The following CYP20A1 variants were observed in gnomAD, a reference collection of about 807,000 sequenced individuals.
CYP20A1 encodes the protein cytochrome P450 20A1.
CYP20A1 carries 61 observed loss-of-function variants against 61.4 expected under a neutral mutation model. The ratio of observed to expected loss-of-function variants is 0.99; its 90% confidence interval spans 0.81 to 1.23. The LOEUF (loss-of-function observed/expected upper bound fraction) is 1.23, where lower values mean the gene tolerates loss of function less well. Among genes scored for constraint, CYP20A1 ranks in the 50% most tolerant of loss-of-function variants. CYP20A1 has a pLI of 0.00. For synonymous variants in CYP20A1, 193 were observed against 188.2 expected (o/e 1.03, Z -0.21); for missense variants, 530 against 542.4 (o/e 0.98, Z 0.23).
intron 8 of CYP20A1, among the ~76,000 whole-genome samples, chr2:203,284,865 T>C (rs1358422706): frequency 6.6e-6 from 1 of 150,700 alleles, no homozygotes; most frequent in Non-Finnish European, 1.5e-5. Context: ...CCCATCTCAG[T>C]CTCCCAAGTA....
intron 9 of CYP20A1, among the ~76,000 whole-genome samples, chr2:203,286,267 G>A (rs529421600): frequency 3.3e-5 from 5 of 152,134 alleles, no homozygotes; most frequent in Admixed American, 6.6e-5. Flanking sequence ...GGGTTACAGA[G>A]CAAGACCCTG....
intron 4 of CYP20A1, among the ~76,000 whole-genome samples, chr2:203,255,081 T>C (rs1377347363): frequency 6.6e-6 from 1 of 152,178 alleles, no homozygotes; most frequent in Admixed American, 6.5e-5. Flanking sequence ...TTCTAATTGA[T>C]CTACTTCTCT....
At chr2:203,285,990 A>G (rs924925609) in intron 9 of CYP20A1, among the ~76,000 whole-genome samples, 4 of 152,218 alleles carry the variant, frequency 2.6e-5, no homozygotes, top group Non-Finnish European at 1.5e-5. Context: ...GTCATAAAAA[A>G]TAGACAGCCA....
chr2:203,282,752 A>C (rs1206470634), intron 8 of CYP20A1, among the ~76,000 whole-genome samples: 2 of 152,036 alleles, frequency 1.3e-5, no homozygotes, highest in Non-Finnish European at 2.9e-5. Flanking sequence ...ATAAGTCCTT[A>C]CTCTGCCCCT....
At chr2:203,273,273 A>C (rs757305429) in intron 6 of CYP20A1, among the ~76,000 whole-genome samples, 1 of 152,346 alleles carries the variant, frequency 6.6e-6, no homozygotes, top group East Asian at 1.9e-4. Context: ...AGTGTTGTAG[A>C]GCTGGTATAC....
intron 1 of CYP20A1, among the ~76,000 whole-genome samples, 192 bp downstream of exon 1, chr2:203,239,326 G>C (rs577378781): frequency 5.9e-5 from 9 of 152,052 alleles, no homozygotes; most frequent in African/African-American, 1.4e-4. Context: ...CTCTGAGAGC[G>C]ACGTGGGCTG....
Position 203,304,531 on chromosome 2 carries a change from A to G in CYP20A1, c.*7623A>G, listed in dbSNP as rs1386852792. Reference sequence around the variant, plus strand: ...AATTTTTAAGAGGAAAAAGAATGCTACCAACCTAAACACATTTCTGTGACT... The same window carrying G: ...AATTTTTAAGAGGAAAAAGAATGCTGCCAACCTAAACACATTTCTGTGACT... On this transcript the variant is annotated 3_prime_UTR_variant, in exon 13 of 13. Transcript: ENST00000356079. Among the ~76,000 whole-genome samples the G allele has an allele frequency of 2.0e-5, 3 of 152,182 alleles. No homozygotes were observed. The highest frequency in any genetic ancestry group is 4.4e-5 in the Non-Finnish European group (3 of 68,024).
At chr2:203,285,480 T>C (rs1050404605) in intron 8 of CYP20A1, 132 bp from the exon 9 acceptor site, 24 of 976,348 alleles carry the variant, frequency 2.5e-5, no homozygotes, top group East Asian at 5.7e-5. Flanking sequence ...GTAGCACTTA[T>C]ATATCTTCTA....
chr2:203,276,215 G>T (rs2067814607), intron 6 of CYP20A1, among the ~76,000 whole-genome samples: 1 of 152,336 alleles, frequency 6.6e-6, no homozygotes, highest in East Asian at 1.9e-4. Context: ...TGGCTGGAAT[G>T]AAGTGAGTGA....
At chr2:203,296,424 TA>T in intron 11 of CYP20A1, 49 bp from the exon 12 acceptor site, 1 of 1,146,330 alleles carries the variant, frequency 8.7e-7, no homozygotes, top group Non-Finnish European at 1.3e-6. Flanking sequence ...TGTCAACATG[TA>T]AGATGCCAGT....
chr2:203,289,896 T>C lies in CYP20A1; in HGVS notation c.1083+20T>C. The C allele has an allele frequency of 8.2e-7, 1 of 1,222,106 alleles. No homozygotes were observed. Among genetic ancestry groups the C allele is most frequent in the Non-Finnish European group, 1.2e-6 (1 of 840,724 alleles). The allele number at this position is 1,222,106 out of a possible 1,614,324, so 75.7% of individuals were successfully genotyped here. A position where few individuals can be genotyped will look rare whatever the true frequency, so the allele number is the denominator to read the frequency against. ...AGAGAGGTAGAAAACCTTTAATATGTTTAATTCATTCAGCTATTCTCAACT... is the reference window on the plus strand; with the variant it reads ...AGAGAGGTAGAAAACCTTTAATATGCTTAATTCATTCAGCTATTCTCAACT... On this transcript the variant is annotated intron_variant, in intron 10 of 12. Transcript: ENST00000356079.
At chr2:203,295,054 G>A (rs2068729713) in intron 11 of CYP20A1, among the ~76,000 whole-genome samples, 1 of 137,294 alleles carries the variant, frequency 7.3e-6, no homozygotes, top group Non-Finnish European at 1.5e-5. Context: ...CCGGGTTCAT[G>A]CCATTCTCCT....
At chr2:203,265,246 G>T (rs892304690) in intron 4 of CYP20A1, among the ~76,000 whole-genome samples, 12 of 152,092 alleles carry the variant, frequency 7.9e-5, no homozygotes, top group Non-Finnish European at 1.5e-4. Context: ...ACCTCTAGAT[G>T]CCAGTAGCAC....
At chr2:203,255,330 C>T (rs1255541534) in intron 4 of CYP20A1, among the ~76,000 whole-genome samples, 2 of 152,132 alleles carry the variant, frequency 1.3e-5, no homozygotes, top group African/African-American at 4.8e-5. Flanking sequence ...TTATATTTGC[C>T]TCTTTGTTAA....
rs2068640056 is a variant in CYP20A1 at position 203,293,590 on chromosome 2, A to G, written c.1148+1264A>G. Among the ~76,000 whole-genome samples the G allele has an allele frequency of 2.7e-5, 4 of 149,112 alleles. No homozygotes were observed. In the South Asian group the frequency reaches 6.3e-4, roughly 24 times the overall value. On this transcript the variant is annotated intron_variant, in intron 11 of 12. Coordinates refer to ENST00000356079, the MANE Select transcript of CYP20A1 (RefSeq NM_177538.3). ...TTTTTTAAATTTATTTTTTATTTCA[A>G]TAGGTTTTTGGGGAACAGGTGGTAT... is the stretch of plus-strand genomic sequence containing the variant.
intron 2 of CYP20A1, 96 bp downstream of exon 2, chr2:203,245,991 C>A: frequency 1.2e-6 from 1 of 828,142 alleles, no homozygotes; most frequent in Non-Finnish European, 1.9e-6. Context: ...TAGCTGTTGC[C>A]AGCTACTGAG....
chr2:203,268,196 G>A (rs1005664487), intron 5 of CYP20A1, among the ~76,000 whole-genome samples: 2 of 151,912 alleles, frequency 1.3e-5, no homozygotes, highest in African/African-American at 4.8e-5. Flanking sequence ...TCTAAATATT[G>A]CAGTTGATAT....
intron 3 of CYP20A1, 152 bp from the exon 4 acceptor site, chr2:203,251,815 A>ATGTGTATATATATATATATATATATG (rs1553514006): frequency 3.1e-4 from 28 of 89,520 alleles, no homozygotes; most frequent in Non-Finnish European, 6.4e-4. Context: ...ATATATATAT[A>ATGTGTATATATATATATATATATATG]TAAAAAATAA....
intron 3 of CYP20A1, among the ~76,000 whole-genome samples, chr2:203,247,375 G>A (rs2066498325): frequency 6.6e-6 from 1 of 152,164 alleles, no homozygotes; most frequent in African/African-American, 2.4e-5. Flanking sequence ...GCACTGTGCT[G>A]ATGTCTTATT....
Sources: gnomAD v4.1 joint callset for allele counts (sites outside exome capture counted in the v4.1 genomes callset) on GRCh38, gnomAD v4.1.1 for gene constraint, MANE v1.5 for transcripts, NCBI Gene and HGNC (gene_info 2026-07-23, HGNC 2026-07-21) for gene names.